Variants in CDK6 observed in about 807,000 individuals in gnomAD.
CDK6 encodes cyclin-dependent kinase 6.
Under a neutral mutation model 37.1 loss-of-function variants are expected in CDK6, and 6 were observed. The ratio of observed to expected loss-of-function variants is 0.16; its 90% CI spans 0.09 to 0.32. The LOEUF (loss-of-function observed/expected upper bound fraction) is 0.32. Among genes scored for constraint, CDK6 ranks in the 10% least tolerant of loss-of-function variants. The probability of loss-of-function intolerance (pLI) is 1.00; values close to 1 mark genes in which losing one functional copy is unlikely to be tolerated. For synonymous variants in CDK6, 160 were observed against 161.3 expected, an observed-to-expected ratio of 0.99 and a Z score of 0.06; for missense variants, 224 against 418.9, an observed-to-expected ratio of 0.53 and a Z score of 4.06.
chr7:92,777,114 T>G (rs1799869987), intron 2 of CDK6, among the ~76,000 whole-genome samples: 1 of 152,246 alleles, frequency 6.6e-6, no homozygotes, highest in Admixed American at 6.5e-5. Context: ...TTCAGTTTTC[T>G]GCATATGGCT....
intron 2 of CDK6, among the ~76,000 whole-genome samples, chr7:92,806,039 C>T (rs1012956252): frequency 5.3e-5 from 8 of 151,968 alleles, no homozygotes; most frequent in Admixed American, 6.6e-5. Context: ...TTAATGTCAC[C>T]GCATTATACA....
At chr7:92,632,751 A>G (rs961324780) in intron 5 of CDK6, among the ~76,000 whole-genome samples, 3 of 152,082 alleles carry the variant, frequency 2.0e-5, no homozygotes, top group African/African-American at 7.2e-5. Context: ...TATATCTACT[A>G]TGTATCCACA....
chr7:92,825,460 G>GCACA lies in CDK6; in HGVS notation c.233+7627_233+7630dup, dbSNP rs147959837. ...TCCACTGTTCTGCATGCACATGCGTGCACACACACACACACACACACACAC... is the reference window on the plus strand; with the variant it reads ...TCCACTGTTCTGCATGCACATGCGTGCACACACACACACACACACACACACACAC... On this transcript the variant is annotated intron_variant, in intron 2 of 7. Transcript: ENST00000424848. 7.2e-3 allele frequency among the ~76,000 whole-genome samples: 1,069 copies of GCACA among 148,574 alleles called. 9 individuals are homozygous for GCACA. Among genetic ancestry groups the GCACA allele is most frequent in the African/African-American group, 0.022 (891 of 40,616 alleles).
chr7:92,655,446 T>A (rs539981588), intron 5 of CDK6, among the ~76,000 whole-genome samples: 10 of 152,336 alleles, frequency 6.6e-5, no homozygotes, highest in Admixed American at 6.5e-4. Context: ...CCTAACAGAG[T>A]GCCTTTGAAA....
intron 4 of CDK6, among the ~76,000 whole-genome samples, chr7:92,718,456 A>G (rs1798283840): frequency 6.6e-6 from 1 of 152,202 alleles, no homozygotes; most frequent in East Asian, 1.9e-4. Flanking sequence ...TAGTAAATAC[A>G]ACACGCACGA....
chr7:92,769,557 CA>C (rs1799661466), intron 3 of CDK6, among the ~76,000 whole-genome samples: 1 of 152,062 alleles, frequency 6.6e-6, no homozygotes, highest in Middle Eastern at 3.4e-3. Flanking sequence ...TTTAGGTTTT[CA>C]AAGAGTTTAT....
At chr7:92,690,200 T>C (rs1415900668) in intron 4 of CDK6, among the ~76,000 whole-genome samples, 2 of 152,214 alleles carry the variant, frequency 1.3e-5, no homozygotes, top group Non-Finnish European at 2.9e-5. Context: ...TCTTTGCCTG[T>C]GCCTATGTCC....
At chr7:92,698,431 T>A (rs941800689) in intron 4 of CDK6, among the ~76,000 whole-genome samples, 1 of 152,192 alleles carries the variant, frequency 6.6e-6, no homozygotes, top group Admixed American at 6.5e-5. Context: ...ATATATGCTG[T>A]AATTTTTTGT....
chr7:92,630,467 C>T (rs566726125), intron 5 of CDK6, among the ~76,000 whole-genome samples: 22 of 152,080 alleles, frequency 1.4e-4, no homozygotes, highest in African/African-American at 4.3e-4. Flanking sequence ...TGAAGTTAGG[C>T]GACTAGCAAG....
At position 92,678,890 on chromosome 7, in the gene CDK6, C is replaced by T. The variant is rs138497383; in HGVS notation, c.538-7355G>A. 4.7e-3 allele frequency among the ~76,000 whole-genome samples: 721 copies of T among 152,308 alleles called. 6 individuals carry two copies. Among genetic ancestry groups the T allele is most frequent in the African/African-American group, 0.016 (682 of 41,552 alleles). ...CAGGATCCTCAACTCTTTGATTTTC[C>T]TCCCAGCAAAGCTGTCTAGAACTGA... On this transcript the variant is annotated intron_variant, in intron 4 of 7. Coordinates refer to ENST00000424848, the MANE Select transcript of CDK6 (RefSeq NM_001145306.2).
chr7:92,610,883 A>G lies in CDK6; in HGVS notation c.*4257T>C, dbSNP rs937605521. 2 of 228,486 alleles carry G rather than the reference A, an allele frequency of 8.8e-6. No homozygotes were observed. Among genetic ancestry groups the G allele is most frequent in the African/African-American group, 4.4e-5 (2 of 45,142 alleles). The allele number at this position is 228,486 out of a possible 1,614,324, so 14.2% of individuals were successfully genotyped here. A position where few individuals can be genotyped will look rare whatever the true frequency, so the allele number is the denominator to read the frequency against. On this transcript the variant is annotated 3_prime_UTR_variant, in exon 8 of 8. Transcript: ENST00000424848. The stretch of plus-strand genomic sequence containing the variant: ...TGCCTTTTAAAAATTTATTTTTTCA[A>G]TGAACGTTCTTAGGCATGTGTAAGA...
At chr7:92,779,306 T>G (rs934798275) in intron 2 of CDK6, among the ~76,000 whole-genome samples, 1 of 152,186 alleles carries the variant, frequency 6.6e-6, no homozygotes, top group African/African-American at 2.4e-5. Context: ...CTGAAGCCAC[T>G]ACTAATTGTC....
chr7:92,746,427 C>G (rs1799060941), intron 3 of CDK6, among the ~76,000 whole-genome samples: 1 of 152,180 alleles, frequency 6.6e-6, no homozygotes. Context: ...CATGATGTCA[C>G]AAGTGGAAAA....
chr7:92,659,551 C>T (rs955147255), intron 5 of CDK6, among the ~76,000 whole-genome samples: 1 of 151,650 alleles, frequency 6.6e-6, no homozygotes, highest in Admixed American at 6.6e-5. Context: ...TATAGATATT[C>T]CACATGGCAA....
chr7:92,762,084 T>C (rs976800364), intron 3 of CDK6, among the ~76,000 whole-genome samples: 1 of 152,216 alleles, frequency 6.6e-6, no homozygotes, highest in Non-Finnish European at 1.5e-5. Flanking sequence ...AACTCATCTT[T>C]AGTTTCTGGT....
intron 3 of CDK6, 33 bp from the exon 4 acceptor site, chr7:92,725,826 A>G: frequency 6.3e-7 from 1 of 1,587,266 alleles, no homozygotes; most frequent in Non-Finnish European, 8.6e-7. Context: ...ATCAGTAAAC[A>G]CTCAAAACGG....
intron 4 of CDK6, among the ~76,000 whole-genome samples, chr7:92,715,151 T>TA (rs1212816569): frequency 6.6e-5 from 10 of 152,140 alleles, no homozygotes; most frequent in African/African-American, 2.4e-4. Flanking sequence ...TGGTAACATT[T>TA]AAAAAAGTAA....
At chr7:92,633,232 A>G (rs1585352166) in intron 5 of CDK6, among the ~76,000 whole-genome samples, 2 of 152,160 alleles carry the variant, frequency 1.3e-5, no homozygotes, top group African/African-American at 4.8e-5. Context: ...CTGTCTGAAT[A>G]TAATATGCCT....
intron 5 of CDK6, among the ~76,000 whole-genome samples, chr7:92,659,631 CACACCACA>C (rs756350934): frequency 6.7e-6 from 1 of 149,460 alleles, no homozygotes; most frequent in African/African-American, 2.5e-5. Context: ...CACACACACA[CACACCACA>C]CACACACACA....
Sources: gnomAD v4.1 joint callset for allele counts (sites outside exome capture counted in the v4.1 genomes callset) on GRCh38, gnomAD v4.1.1 for gene constraint, MANE v1.5 for transcripts, NCBI Gene and HGNC (gene_info 2026-07-23, HGNC 2026-07-21) for gene names.